The following MYO1D variants were observed in gnomAD, a reference collection of about 807,000 sequenced individuals.
MYO1D encodes unconventional myosin-Id.
A neutral mutation model predicts 122.0 loss-of-function variants in MYO1D; 83 were observed. The observed-to-expected ratio is 0.68, with a 90% confidence interval of 0.57 to 0.82. MYO1D has a LOEUF of 0.82. Among genes scored for constraint, MYO1D ranks in the 40% least tolerant of loss-of-function variants. MYO1D has a pLI of 0.00. For missense variants in MYO1D, 1,157 were observed against 1,269.5 expected, an observed-to-expected ratio of 0.91 and a Z score of 1.35; for synonymous variants, 464 against 446.9, an observed-to-expected ratio of 1.04 and a Z score of -0.48.
At position 32,517,670 on chromosome 17, in the gene MYO1D, G is replaced by A. The variant is rs886805961; in HGVS notation, c.2865-22755C>T. On this transcript the variant is annotated intron_variant, in intron 21 of 21. Coordinates refer to ENST00000318217, the MANE Select transcript of MYO1D (RefSeq NM_015194.3). ...AGCATCACCCTCCCTGGGAACGACC[G>A]GAAGAAGAGCTGGCCCCGCTTTGCT... Among the ~76,000 whole-genome samples, 6 of 152,234 alleles carry A rather than the reference G, an allele frequency of 3.9e-5. No individual in the cohort carries two copies. In the South Asian group the frequency reaches 6.2e-4, roughly 16 times the overall value.
At chr17:32,510,433 C>T (rs1312455348) in intron 21 of MYO1D, 2 of 152,222 alleles carry the variant, frequency 1.3e-5, no homozygotes, top group Admixed American at 6.5e-5. Flanking sequence ...CTTTGTCTGG[C>T]CAGAAGACAT....
intron 1 of MYO1D, among the ~76,000 whole-genome samples, chr17:32,816,799 T>C (rs764908471): frequency 3.3e-5 from 5 of 152,192 alleles, no homozygotes; most frequent in Non-Finnish European, 7.3e-5. Flanking sequence ...GAGTTTAAAA[T>C]TCAACATCAA....
intron 16 of MYO1D, among the ~76,000 whole-genome samples, chr17:32,692,418 T>TA (rs910714664): frequency 7.9e-5 from 12 of 152,354 alleles, no homozygotes; most frequent in African/African-American, 2.9e-4. Context: ...TTGTCACCCA[T>TA]AAAGTTTCTT....
intron 1 of MYO1D, among the ~76,000 whole-genome samples, chr17:32,832,360 G>T (rs952431300): frequency 6.6e-6 from 1 of 151,344 alleles, no homozygotes; most frequent in East Asian, 1.9e-4. Context: ...AAGTGCAGTG[G>T]CACAATCTTG....
intron 1 of MYO1D, among the ~76,000 whole-genome samples, chr17:32,808,720 A>G (rs1296397020): frequency 1.3e-5 from 2 of 152,196 alleles, no homozygotes; most frequent in East Asian, 3.8e-4. Context: ...CAGAGCTAAC[A>G]TACTCTTTTT....
chr17:32,765,135 A>G, intron 7 of MYO1D, 54 bp from the exon 8 acceptor site: 2 of 1,432,216 alleles, frequency 1.4e-6, no homozygotes, highest in Non-Finnish European at 9.7e-7. Context: ...TCAAGGATAT[A>G]TTTGCCAATA....
chr17:32,541,538 T>C (rs543756279), intron 21 of MYO1D, among the ~76,000 whole-genome samples: 131 of 152,322 alleles, frequency 8.6e-4, no homozygotes, highest in Admixed American at 2.0e-3. Flanking sequence ...CTAGAAACCT[T>C]TGAATTGCAT....
intron 21 of MYO1D, chr17:32,498,166 C>T (rs1909188060): frequency 6.6e-6 from 1 of 152,248 alleles, no homozygotes; most frequent in Admixed American, 6.5e-5. Flanking sequence ...GGGGACCTGT[C>T]CCTCTCCTGG....
chr17:32,579,290 A>C (rs1219170866), intron 21 of MYO1D, among the ~76,000 whole-genome samples: 2 of 152,106 alleles, frequency 1.3e-5, no homozygotes, highest in East Asian at 3.9e-4. Flanking sequence ...GCTGATCTCA[A>C]ACTGCTGGAC....
chr17:32,641,270 C>A (rs936614796), intron 19 of MYO1D, among the ~76,000 whole-genome samples: 5 of 151,330 alleles, frequency 3.3e-5, no homozygotes, highest in East Asian at 1.9e-4. Context: ...TGAACTCATC[C>A]TTTTTTATGG....
chr17:32,700,131 C>T (rs2089227096), intron 16 of MYO1D, among the ~76,000 whole-genome samples: 2 of 152,068 alleles, frequency 1.3e-5, no homozygotes, highest in Admixed American at 1.3e-4. Flanking sequence ...TATATCAGGT[C>T]CTACAGATCA....
chr17:32,731,759 A>G (rs1412769820), intron 14 of MYO1D, among the ~76,000 whole-genome samples: 1 of 152,186 alleles, frequency 6.6e-6, no homozygotes, highest in Non-Finnish European at 1.5e-5. Context: ...TCCTGGGTGC[A>G]GCTGTGGCCG....
At chr17:32,761,511 G>A (rs1310511869) in intron 8 of MYO1D, among the ~76,000 whole-genome samples, 1 of 152,156 alleles carries the variant, frequency 6.6e-6, no homozygotes, top group East Asian at 1.9e-4. Context: ...TTTGTTCACT[G>A]GATGTTCCTT....
At chr17:32,651,456 T>C (rs147437911) in intron 19 of MYO1D, among the ~76,000 whole-genome samples, 51 of 152,296 alleles carry the variant, frequency 3.3e-4, no homozygotes, top group Middle Eastern at 3.4e-3. Flanking sequence ...AAAAGCTCTG[T>C]CTTTGTCTAC....
At chr17:32,797,021 A>G (rs912730306) in intron 1 of MYO1D, among the ~76,000 whole-genome samples, 3 of 151,748 alleles carry the variant, frequency 2.0e-5, no homozygotes, top group African/African-American at 7.3e-5. Flanking sequence ...ACCAGGCTAG[A>G]GTACAGTGGT....
rs142385902 is a variant in MYO1D, at chr17:32,717,918, C to T, written c.1913+3105G>A. Reference sequence around the variant, plus strand: ...TTCATGCAAATCCCTGGCCACTGTTCGAATAGTGCCTCTCCCCTATTCTTG... The same window carrying T: ...TTCATGCAAATCCCTGGCCACTGTTTGAATAGTGCCTCTCCCCTATTCTTG... On this transcript the variant is annotated intron_variant, in intron 15 of 21. Coordinates refer to ENST00000318217, the MANE Select transcript of MYO1D (RefSeq NM_015194.3). 1.4e-4 allele frequency among the ~76,000 whole-genome samples: 22 copies of T among 152,158 alleles called. No individual in the cohort carries two copies. The East Asian group carries it at 2.5e-3, about 17-fold the overall frequency.
intron 1 of MYO1D, among the ~76,000 whole-genome samples, chr17:32,809,833 T>C (rs2090553876): frequency 6.6e-6 from 1 of 152,238 alleles, no homozygotes; most frequent in South Asian, 2.1e-4. Flanking sequence ...TTTTGCATCA[T>C]CTTATTAGAA....
intron 1 of MYO1D, among the ~76,000 whole-genome samples, chr17:32,786,107 T>C (rs527245098): frequency 2.0e-5 from 3 of 152,244 alleles, no homozygotes; most frequent in African/African-American, 4.8e-5. Context: ...TCTCCAGAAG[T>C]AGGTTGCAGT....
At chr17:32,564,598 A>T (rs898345464) in intron 21 of MYO1D, among the ~76,000 whole-genome samples, 3 of 152,140 alleles carry the variant, frequency 2.0e-5, no homozygotes, top group African/African-American at 7.2e-5. Context: ...GGATGAGTCA[A>T]ATATATTTAT....
Sources: allele counts gnomAD v4.1 joint callset (sites outside exome capture counted in the v4.1 genomes callset), GRCh38; gene constraint gnomAD v4.1.1; transcripts MANE v1.5; gene names NCBI Gene and HGNC (gene_info 2026-07-23, HGNC 2026-07-21).